Variants in BFSP2 observed in about 807,000 individuals in gnomAD.
The protein encoded by BFSP2 is beaded filament structural protein 2, also known as phakinin.
BFSP2 carries 38 observed loss-of-function variants against 44.9 expected under a neutral mutation model. The ratio of observed to expected loss-of-function variants is 0.85; its 90% CI spans 0.65 to 1.11. The LOEUF (loss-of-function observed/expected upper bound fraction) is 1.11. Ranked by LOEUF, BFSP2 falls within the 50% of genes least tolerant of loss-of-function variation. The pLI is 0.00. For missense variants in BFSP2, 525 were observed against 533.0 expected (o/e 0.99, Z 0.15); for synonymous variants, 197 against 209.9 (o/e 0.94, Z 0.53).
intron 1 of BFSP2, among the ~76,000 whole-genome samples, chr3:133,414,053 C>G (rs2073481541): frequency 6.7e-6 from 1 of 148,676 alleles, no homozygotes; most frequent in Non-Finnish European, 1.5e-5. Flanking sequence ...CCCTACTCAC[C>G]CCTCTACTCA....
chr3:133,441,792 C>A (rs2073847676), intron 1 of BFSP2, among the ~76,000 whole-genome samples: 1 of 152,246 alleles, frequency 6.6e-6, no homozygotes. Context: ...AATTTAAAAA[C>A]CATAAAATTG....
chr3:133,400,901 T>A lies in BFSP2; in HGVS notation c.489+329T>A, dbSNP rs1216799080. 6.6e-6 allele frequency among the ~76,000 whole-genome samples: 1 copy of A among 151,880 alleles called. No homozygotes were observed. The highest frequency in any genetic ancestry group is 1.5e-5 in the Non-Finnish European group (1 of 67,946). On this transcript the variant is annotated intron_variant, in intron 1 of 6. Coordinates refer to ENST00000302334, the MANE Select transcript of BFSP2 (RefSeq NM_003571.4). This position sits in a 1 kb window ranked among gnomAD's most constrained non-coding sequence, Gnocchi z 4.0. ...TTCAAAGCTAGTAGAGGGATGGAGA[T>A]GAGATTTGAACCTGAATTTTTGTGC...
At chr3:133,402,013 G>C (rs1277079933) in intron 1 of BFSP2, among the ~76,000 whole-genome samples, 1 of 152,156 alleles carries the variant, frequency 6.6e-6, no homozygotes, top group Non-Finnish European at 1.5e-5. Context: ...AGCCATCTTA[G>C]AACAGTCCAG....
In BFSP2 at chr3:133,475,110, TG is replaced by T. The variant is rs139190094; in HGVS notation, c.*140del. ...ATTCAGCTTGAGCTGAAAAGCTTCC[TG>T]GAAGTGGAGAGGATCCTTCTGCTTT... On this transcript the variant is annotated 3_prime_UTR_variant, in exon 7 of 7. Transcript: ENST00000302334. 1.2e-4 allele frequency: 144 copies of T among 1,250,088 alleles called. 1 individual carries two copies. In the East Asian group the frequency reaches 3.2e-3, roughly 28 times the overall value. 77.4% of individuals were successfully genotyped at this position (1,250,088 alleles called of 1,614,324 possible).
intron 1 of BFSP2, among the ~76,000 whole-genome samples, chr3:133,410,998 T>C (rs1423957287): frequency 1.3e-5 from 2 of 152,236 alleles, no homozygotes; most frequent in African/African-American, 4.8e-5. Context: ...CACTTCCAAG[T>C]GAATCCATAG....
chr3:133,453,755 C>T (rs908313872), intron 4 of BFSP2, among the ~76,000 whole-genome samples: 3 of 152,202 alleles, frequency 2.0e-5, no homozygotes, highest in South Asian at 4.1e-4. Flanking sequence ...GAGCACTAAA[C>T]TGCGAAAGCC....
At chr3:133,417,239 C>A in intron 1 of BFSP2, among the ~76,000 whole-genome samples, 1 of 147,008 alleles carries the variant, frequency 6.8e-6, no homozygotes, top group East Asian at 2.1e-4. Context: ...TGTCCTCTCC[C>A]CTCTACTTAC....
intron 1 of BFSP2, among the ~76,000 whole-genome samples, chr3:133,432,013 G>A (rs1478154690): frequency 6.6e-6 from 1 of 151,330 alleles, no homozygotes; most frequent in Non-Finnish European, 1.5e-5. Flanking sequence ...TAACCCACAA[G>A]TATGGAACAT....
intron 1 of BFSP2, among the ~76,000 whole-genome samples, chr3:133,417,734 A>AT (rs1262082019): frequency 3.2e-5 from 2 of 62,040 alleles, no homozygotes; most frequent in African/African-American, 6.5e-5. Context: ...CCCTCTACTC[A>AT]CCCGTCCTCT....
At chr3:133,432,355 G>A (rs532718781) in intron 1 of BFSP2, among the ~76,000 whole-genome samples, 8 of 152,152 alleles carry the variant, frequency 5.3e-5, no homozygotes, top group Non-Finnish European at 7.4e-5. Flanking sequence ...TCACTATTCC[G>A]TTCTTGATCT....
intron 1 of BFSP2, among the ~76,000 whole-genome samples, chr3:133,420,519 G>C (rs2073583040): frequency 6.6e-6 from 1 of 152,142 alleles, no homozygotes; most frequent in African/African-American, 2.4e-5. Context: ...TGATCACAGA[G>C]TGAGCTGGTC....
intron 1 of BFSP2, among the ~76,000 whole-genome samples, chr3:133,408,671 C>T (rs1401734700): frequency 6.6e-6 from 1 of 152,164 alleles, no homozygotes; most frequent in African/African-American, 2.4e-5. Flanking sequence ...TGCAAAGGAA[C>T]AAGAAATCGC....
At chr3:133,414,390 T>TCTCTC (rs2073487575) in intron 1 of BFSP2, among the ~76,000 whole-genome samples, 1 of 41,578 alleles carries the variant, frequency 2.4e-5, no homozygotes. Context: ...ACCCCTGCCG[T>TCTCTC]CTCTACTCAC....
chr3:133,467,084 T>C (rs2107941068), intron 5 of BFSP2, 125 bp downstream of exon 5: 3 of 1,328,644 alleles, frequency 2.3e-6, no homozygotes, highest in Non-Finnish European at 3.2e-6. Flanking sequence ...TTTTGAGGCC[T>C]GAAATGTCTT....
At chr3:133,466,188 A>T (rs1373331472) in intron 4 of BFSP2, among the ~76,000 whole-genome samples, 13 of 152,104 alleles carry the variant, frequency 8.5e-5, no homozygotes, top group Admixed American at 8.5e-4. Context: ...ATACATATTT[A>T]TTTATAAATA....
chr3:133,457,183 G>A (rs993195575), intron 4 of BFSP2, among the ~76,000 whole-genome samples: 6 of 152,188 alleles, frequency 3.9e-5, no homozygotes, highest in Non-Finnish European at 7.3e-5. Flanking sequence ...AGGCTCCTGT[G>A]TGCCAATGAG....
Position 133,400,471 on chromosome 3 carries a change from CAG to C in BFSP2, c.389_390del (p.Gln130ArgfsTer36), listed in dbSNP as rs2073353459. 6.2e-7 allele frequency: 1 copy of C among 1,613,996 alleles called. No individual in the cohort carries two copies. The highest frequency in any genetic ancestry group is 1.6e-4 in the Middle Eastern group (1 of 6,062). ...AGTGCACGCCCTTGAGCAAGTCAGT[CAG>C]GAGCTGGAAACACAACTGCGGATGC... Reference protein sequence around the residue: ...AKVHALEQVSQELETQLRMHL... With the variant: ...AKVHALEQVSXELETQLRMHL... On this transcript the variant is annotated frameshift_variant, in exon 1 of 7. Coordinates refer to ENST00000302334, the MANE Select transcript of BFSP2 (RefSeq NM_003571.4). LOFTEE classifies it high-confidence loss of function. This position sits in a 1 kb window ranked among gnomAD's most constrained non-coding sequence, Gnocchi z 4.0.
At chr3:133,440,641 G>A (rs1355391128) in intron 1 of BFSP2, among the ~76,000 whole-genome samples, 1 of 152,126 alleles carries the variant, frequency 6.6e-6, no homozygotes, top group Non-Finnish European at 1.5e-5. Context: ...ATCAGAACTT[G>A]GGGGGACAGA....
chr3:133,403,331 C>T (rs2073377191), intron 1 of BFSP2, among the ~76,000 whole-genome samples: 1 of 152,196 alleles, frequency 6.6e-6, no homozygotes, highest in Non-Finnish European at 1.5e-5. Context: ...CCTTACCCCT[C>T]CTGTTTCTCC....
Sources: allele counts gnomAD v4.1 joint callset (sites outside exome capture counted in the v4.1 genomes callset), GRCh38; gene constraint gnomAD v4.1.1; non-coding constraint Gnocchi (gnomAD v3.1); transcripts MANE v1.5; gene names NCBI Gene and HGNC (gene_info 2026-07-23, HGNC 2026-07-21).